TENM3: variants seen among roughly 807,000 people sequenced by gnomAD.
TENM3 encodes the protein teneurin-3.
In TENM3, 63 loss-of-function variants were observed where a neutral mutation model predicts 255.1. That is an observed-to-expected ratio of 0.25 (90% CI 0.20 to 0.30). The LOEUF is 0.30. Among genes scored for constraint, TENM3 ranks in the 10% least tolerant of loss-of-function variants. TENM3 has a pLI of 1.00. For synonymous variants in TENM3, 1,306 were observed against 1,322.3 expected (o/e 0.99, Z 0.27); for missense variants, 2,929 against 3,461.1 (o/e 0.85, Z 3.86).
At chr4:181,613,936 A>G in the TENM3 span, among the ~76,000 whole-genome samples, 2 of 152,210 alleles carry the variant, frequency 1.3e-5, no homozygotes, top group African/African-American at 2.4e-5. Context: ...GCTGTATTCT[A>G]TTAGGCCAGA....
chr4:181,523,150 A>G, the TENM3 span: 18 of 337,022 alleles, frequency 5.3e-5, no homozygotes, highest in African/African-American at 2.5e-4. Context: ...CCTGTACTCA[A>G]TATATAAGCA....
At chr4:182,158,236 G>A (rs1444217884) in intron 1 of TENM3, among the ~76,000 whole-genome samples, 5 of 152,198 alleles carry the variant, frequency 3.3e-5, no homozygotes, top group Non-Finnish European at 7.3e-5. Context: ...GCCAGAAGAT[G>A]GATTGTGTGA....
chr4:182,564,687 C>T lies in TENM3; in HGVS notation c.512-36237C>T, dbSNP rs1350037267. Among the ~76,000 whole-genome samples, 3 of 151,842 alleles carry T rather than the reference C, an allele frequency of 2.0e-5. No homozygotes were observed. In the East Asian group the frequency reaches 5.8e-4, roughly 29 times the overall value. ...CTGAGTTAATGAATGGCTAAAGTGC[C>T]CTATTGTTACAGCATTGCTTTGGTT... On this transcript the variant is annotated intron_variant, in intron 3 of 27. Transcript: ENST00000511685.
intron 12 of TENM3, among the ~76,000 whole-genome samples, chr4:182,712,339 A>G (rs1216061953): frequency 6.6e-6 from 1 of 152,084 alleles, no homozygotes; most frequent in African/African-American, 2.4e-5. Flanking sequence ...ATTCATGGCA[A>G]TATCCAGGCT....
At chr4:181,709,692 G>A in the TENM3 span, among the ~76,000 whole-genome samples, 5 of 152,260 alleles carry the variant, frequency 3.3e-5, no homozygotes, top group Non-Finnish European at 7.3e-5. Flanking sequence ...CTGCACAGAT[G>A]TGGATCATAG....
At chr4:182,488,355 A>C (rs1176603438) in intron 3 of TENM3, among the ~76,000 whole-genome samples, 1 of 152,202 alleles carries the variant, frequency 6.6e-6, no homozygotes, top group Non-Finnish European at 1.5e-5. Flanking sequence ...TTTAATTTCC[A>C]AGAAGGAGTT....
At chr4:181,868,411 G>A in the TENM3 span, among the ~76,000 whole-genome samples, 3 of 152,058 alleles carry the variant, frequency 2.0e-5, no homozygotes, top group South Asian at 6.2e-4. Flanking sequence ...GAACAAGAAG[G>A]CCAAGTGATT....
chr4:182,628,603 G>GC, intron 4 of TENM3, 48 bp from the exon 5 acceptor site: 1 of 1,256,616 alleles, frequency 8.0e-7, no homozygotes, highest in Non-Finnish European at 1.1e-6. Context: ...CTTGTCTCTT[G>GC]TATCGTAACA....
chr4:181,659,775 A>G, the TENM3 span, among the ~76,000 whole-genome samples: 1 of 152,188 alleles, frequency 6.6e-6, no homozygotes, highest in Non-Finnish European at 1.5e-5. Flanking sequence ...TAAGAGAGTC[A>G]CAACTAAACA....
the TENM3 span, among the ~76,000 whole-genome samples, chr4:181,691,690 T>G: frequency 6.6e-6 from 1 of 152,158 alleles, no homozygotes; most frequent in Non-Finnish European, 1.5e-5. Context: ...TACAATGTGA[T>G]CAACCAATAC....
the TENM3 span, among the ~76,000 whole-genome samples, chr4:181,620,696 A>T: frequency 2.0e-4 from 30 of 149,546 alleles, no homozygotes; most frequent in Non-Finnish European, 7.4e-5. Context: ...GGAGGAAAGA[A>T]ATAGTTAATA....
intron 3 of TENM3, among the ~76,000 whole-genome samples, chr4:182,355,637 C>T (rs35124573): frequency 0.11 from 17,287 of 151,950 alleles, 1,122 homozygotes; most frequent in Non-Finnish European, 0.14. Context: ...TAATTATCAA[C>T]ATAGGAAAAT....
At chr4:182,161,164 C>G (rs2149630547) in intron 1 of TENM3, among the ~76,000 whole-genome samples, 1 of 145,070 alleles carries the variant, frequency 6.9e-6, no homozygotes, top group South Asian at 2.4e-4. Flanking sequence ...CGCCTGTAAT[C>G]CCAGCACTTT....
the TENM3 span, among the ~76,000 whole-genome samples, chr4:181,899,776 C>G: frequency 6.6e-6 from 1 of 152,052 alleles, no homozygotes; most frequent in Non-Finnish European, 1.5e-5. Context: ...CCATGTTGGC[C>G]AGGATGGTCT....
At position 182,800,379 on chromosome 4, in the gene TENM3, C is replaced by A; in HGVS notation, c.*28C>A. 1 of 1,535,468 alleles carries A rather than the reference C, an allele frequency of 6.5e-7. No homozygotes were observed. Among genetic ancestry groups the A allele is most frequent in the South Asian group, 1.2e-5 (1 of 83,006 alleles). On this transcript the variant is annotated 3_prime_UTR_variant, in exon 28 of 28. Transcript: ENST00000511685. ...CCCGGGCCGCGCCCGCCGAGCCGCT[C>A]ACGCCCTGCCCACATTGTCCTGTGG...
chr4:182,758,350 A>T (rs903270942), intron 22 of TENM3, among the ~76,000 whole-genome samples: 1 of 152,006 alleles, frequency 6.6e-6, no homozygotes, highest in Non-Finnish European at 1.5e-5. Flanking sequence ...GGGTGGGGGG[A>T]GGTGTCATTA....
the TENM3 span, among the ~76,000 whole-genome samples, chr4:182,013,959 C>T: frequency 3.4e-4 from 39 of 113,170 alleles, no homozygotes; most frequent in African/African-American, 1.3e-3. Context: ...TATATACACA[C>T]ATATATACGT....
the TENM3 span, among the ~76,000 whole-genome samples, chr4:182,008,271 AT>A: frequency 6.6e-6 from 1 of 151,520 alleles, no homozygotes; most frequent in Non-Finnish European, 1.5e-5. Context: ...AATTTCCTGA[AT>A]TTTCCTGTCT....
chr4:181,609,390 T>C, the TENM3 span, among the ~76,000 whole-genome samples: 1 of 152,244 alleles, frequency 6.6e-6, no homozygotes, highest in Admixed American at 6.5e-5. Flanking sequence ...TTAATACAGT[T>C]GCTTAATATA....
Sources: gnomAD v4.1 joint callset for allele counts (sites outside exome capture counted in the v4.1 genomes callset) on GRCh38, gnomAD v4.1.1 for gene constraint, MANE v1.5 for transcripts, NCBI Gene and HGNC (gene_info 2026-07-23, HGNC 2026-07-21) for gene names.